Variants in AAMDC observed in about 807,000 individuals in gnomAD.
The protein encoded by AAMDC is mth938 domain-containing protein.
Under a neutral mutation model 15.5 loss-of-function variants are expected in AAMDC, and 16 were observed. The ratio of observed to expected loss-of-function variants is 1.03; its 90% CI spans 0.70 to 1.57. The LOEUF is 1.57. Among genes scored for constraint, AAMDC ranks in the 40% most tolerant of loss-of-function variants. AAMDC has a pLI of 0.00. For synonymous variants in AAMDC, 51 were observed against 51.6 expected (o/e 0.99, Z 0.05); for missense variants, 141 against 144.9 (o/e 0.97, Z 0.14).
chr11:77,853,095 A>G (rs1413208517), intron 2 of AAMDC, among the ~76,000 whole-genome samples: 2 of 152,232 alleles, frequency 1.3e-5, no homozygotes, highest in African/African-American at 2.4e-5. Context: ...GTAAATGTAG[A>G]TTTGTTAGAT....
chr11:77,891,787 A>G (rs1952280680), intron 5 of AAMDC: 1 of 1,611,926 alleles, frequency 6.2e-7, no homozygotes, highest in South Asian at 1.1e-5. Flanking sequence ...CATAAGGTCA[A>G]GGAGTTTGTC....
intron 5 of AAMDC, among the ~76,000 whole-genome samples, chr11:77,893,617 C>T (rs982882551): frequency 2.0e-5 from 3 of 151,650 alleles, no homozygotes; most frequent in South Asian, 2.1e-4. Flanking sequence ...AGGTCAGACA[C>T]GGCGGTGGCT....
intron 1 of AAMDC, among the ~76,000 whole-genome samples, chr11:77,822,966 A>G (rs1948987656): frequency 6.6e-6 from 1 of 152,222 alleles, no homozygotes; most frequent in African/African-American, 2.4e-5. Context: ...CTGTAATCCC[A>G]GCACTTTGGG....
chr11:77,871,681 A>G (rs1287483715), intron 3 of AAMDC, among the ~76,000 whole-genome samples: 1 of 152,232 alleles, frequency 6.6e-6, no homozygotes, highest in Admixed American at 6.5e-5. Context: ...GAGCTAGCCT[A>G]ACATTTCTTA....
chr11:77,852,473 T>C (rs1307868109), intron 2 of AAMDC, among the ~76,000 whole-genome samples: 1 of 152,090 alleles, frequency 6.6e-6, no homozygotes, highest in Non-Finnish European at 1.5e-5. Context: ...TGCTGTTCAC[T>C]ATCACCAGAA....
At chr11:77,863,269 A>T (rs557939321) in intron 2 of AAMDC, among the ~76,000 whole-genome samples, 5 of 152,138 alleles carry the variant, frequency 3.3e-5, no homozygotes, top group Admixed American at 2.6e-4. Flanking sequence ...GGGAGCGGCA[A>T]TGGGCGCTCA....
chr11:77,894,155 G>A (rs188639610), intron 5 of AAMDC: 272 of 526,600 alleles, frequency 5.2e-4, no homozygotes, highest in African/African-American at 5.0e-3. Context: ...TAAGGTTAAC[G>A]ACATGGCCAC....
intron 2 of AAMDC, among the ~76,000 whole-genome samples, chr11:77,865,481 A>G (rs1465397061): frequency 6.6e-6 from 1 of 152,244 alleles, no homozygotes; most frequent in Admixed American, 6.5e-5. Context: ...AGAAAAGCTC[A>G]TGCCAAACCT....
chr11:77,883,466 A>C (rs1951871656), intron 5 of AAMDC, among the ~76,000 whole-genome samples: 1 of 152,226 alleles, frequency 6.6e-6, no homozygotes, highest in African/African-American at 2.4e-5. Flanking sequence ...TTGGAAGATA[A>C]GGAAAAAGAC....
At chr11:77,832,180 T>TGACAATTGTA (rs2136077177) in intron 1 of AAMDC, among the ~76,000 whole-genome samples, 1 of 152,184 alleles carries the variant, frequency 6.6e-6, no homozygotes, top group East Asian at 1.9e-4. Flanking sequence ...ACACTGACAA[T>TGACAATTGTA]AGTTAACTGT....
In AAMDC at chr11:77,821,461, G is replaced by T. The variant is rs779331580; in HGVS notation, c.-19+220G>T. Among the ~76,000 whole-genome samples the T allele has an allele frequency of 3.3e-5, 5 of 152,098 alleles. No individual in the cohort carries two copies. The East Asian group carries it at 9.6e-4, about 29-fold the overall frequency. The stretch of plus-strand genomic sequence containing the variant: ...CGACGGGGTATTGCTCTCTGCTGGG[G>T]TACAGGAATCGCAGCTTTGCTGGAA... On this transcript the variant is annotated intron_variant, in intron 1 of 3. Coordinates refer to ENST00000393427, the MANE Select transcript of AAMDC (RefSeq NM_024684.4).
chr11:77,858,299 ATTCT>A (rs1233403020), intron 2 of AAMDC, among the ~76,000 whole-genome samples: 1 of 91,556 alleles, frequency 1.1e-5, no homozygotes, highest in African/African-American at 4.2e-5. Context: ...CGTTTAAGCA[ATTCT>A]TTTTTTTTTT....
At chr11:77,878,179 G>A (rs34323562) in intron 5 of AAMDC, among the ~76,000 whole-genome samples, 29,012 of 151,726 alleles carry the variant, frequency 0.19, 3,639 homozygotes, top group Non-Finnish European at 0.29. Context: ...TGGCTAACAT[G>A]GTGAAACCCC....
At chr11:77,851,120 A>G (rs1481146806) in intron 2 of AAMDC, 6 of 151,912 alleles carry the variant, frequency 3.9e-5, no homozygotes, top group Non-Finnish European at 5.9e-5. Context: ...ACGCCCGGCT[A>G]ATTTTTGTAT....
At chr11:77,832,017 CTT>C (rs1949451568) in intron 1 of AAMDC, 1 of 150,992 alleles carries the variant, frequency 6.6e-6, no homozygotes, top group African/African-American at 2.4e-5. Flanking sequence ...GGCCAGGTAT[CTT>C]TTTAAATCTT....
chr11:77,869,287 G>A (rs1009969756), intron 2 of AAMDC: 7 of 168,588 alleles, frequency 4.2e-5, no homozygotes, highest in Admixed American at 1.3e-4. Context: ...CTTGTTTCCC[G>A]GATTTCGTTT....
chr11:77,867,272 C>T (rs1233220141), intron 2 of AAMDC, among the ~76,000 whole-genome samples: 1 of 151,816 alleles, frequency 6.6e-6, no homozygotes, highest in African/African-American at 2.4e-5. Context: ...TTTCCTATAC[C>T]ATCTCTACCA....
intron 2 of AAMDC, among the ~76,000 whole-genome samples, chr11:77,852,531 TC>T (rs1950440741): frequency 6.6e-6 from 1 of 151,990 alleles, no homozygotes; most frequent in African/African-American, 2.4e-5. Context: ...TCCCATCAGG[TC>T]CCTCCTCCAA....
chr11:77,899,995 C>CT (rs1952707227), intron 5 of AAMDC, among the ~76,000 whole-genome samples: 1 of 151,884 alleles, frequency 6.6e-6, no homozygotes, highest in Admixed American at 6.6e-5. Flanking sequence ...TAAAAAAAAT[C>CT]TTTTTTAAAA....
Sources: gnomAD v4.1 joint callset for allele counts (sites outside exome capture counted in the v4.1 genomes callset) on GRCh38, gnomAD v4.1.1 for gene constraint, MANE v1.5 for transcripts, NCBI Gene and HGNC (gene_info 2026-07-23, HGNC 2026-07-21) for gene names.